Variants in ADAMTS19 observed in about 807,000 individuals in gnomAD.
ADAMTS19 encodes ADAM metallopeptidase with thrombospondin type 1 motif 19.
In ADAMTS19, 93 loss-of-function variants were observed where a neutral mutation model predicts 153.3. The ratio of observed to expected loss-of-function variants is 0.61; its 90% confidence interval spans 0.51 to 0.72. ADAMTS19 has a LOEUF of 0.72. Among genes scored for constraint, ADAMTS19 ranks in the 30% least tolerant of loss-of-function variants. ADAMTS19 has a pLI of 0.00. For missense variants in ADAMTS19, 1,482 were observed against 1,552.1 expected, an observed-to-expected ratio of 0.95 and a Z score of 0.76; for synonymous variants, 600 against 556.6, an observed-to-expected ratio of 1.08 and a Z score of -1.10.
In ADAMTS19 at chr5:129,519,228, G is replaced by A. The variant is rs551627117; in HGVS notation, c.914-7056G>A. ...GGACTGGGTTCCTTTCTTCAAGGCA[G>A]TGGGTTCCCTTCTGGCCCAGGGGAT... On this transcript the variant is annotated intron_variant, in intron 3 of 22. Coordinates refer to ENST00000274487, the MANE Select transcript of ADAMTS19 (RefSeq NM_133638.6). 2.0e-3 allele frequency among the ~76,000 whole-genome samples: 308 copies of A among 152,236 alleles called. 1 individual carries two copies. Among genetic ancestry groups the A allele is most frequent in the African/African-American group, 7.0e-3 (290 of 41,564 alleles).
intron 2 of ADAMTS19, among the ~76,000 whole-genome samples, chr5:129,508,582 C>T (rs10071131): frequency 0.11 from 17,391 of 151,940 alleles, 1,952 homozygotes; most frequent in African/African-American, 0.3. Flanking sequence ...TTTTAAAATA[C>T]GTAGTAGAAG....
At chr5:129,530,095 G>C (rs1752147453) in intron 6 of ADAMTS19, among the ~76,000 whole-genome samples, 1 of 152,076 alleles carries the variant, frequency 6.6e-6, no homozygotes, top group Non-Finnish European at 1.5e-5. Context: ...TCCTAAAACA[G>C]CTGTAAGCAC....
intron 6 of ADAMTS19, among the ~76,000 whole-genome samples, chr5:129,535,917 T>A (rs1208946813): frequency 2.0e-5 from 3 of 152,070 alleles, no homozygotes; most frequent in Admixed American, 6.6e-5. Flanking sequence ...TAATTCAAGA[T>A]GGATTAAAGA....
intron 7 of ADAMTS19, among the ~76,000 whole-genome samples, chr5:129,557,208 A>G (rs1753343669): frequency 1.3e-5 from 2 of 152,212 alleles, no homozygotes; most frequent in South Asian, 4.1e-4. Context: ...GTTAACAAAC[A>G]TGATTAATTA....
chr5:129,592,168 A>G (rs1417031858), intron 7 of ADAMTS19, among the ~76,000 whole-genome samples: 1 of 152,094 alleles, frequency 6.6e-6, no homozygotes, highest in Admixed American at 6.6e-5. Context: ...ACTTGAGGTC[A>G]GAAGCTTGAA....
intron 21 of ADAMTS19, among the ~76,000 whole-genome samples, chr5:129,725,691 T>C (rs952630221): frequency 4.6e-5 from 7 of 152,084 alleles, no homozygotes; most frequent in Non-Finnish European, 7.3e-5. Context: ...CTGACATTCC[T>C]GGTTGCGGGG....
At chr5:129,715,101 A>G (rs1159934243) in intron 21 of ADAMTS19, among the ~76,000 whole-genome samples, 2 of 152,236 alleles carry the variant, frequency 1.3e-5, no homozygotes, top group African/African-American at 2.4e-5. Context: ...AATCATATAC[A>G]TATTAAAATG....
intron 6 of ADAMTS19, among the ~76,000 whole-genome samples, chr5:129,540,604 T>C (rs570084719): frequency 1.1e-3 from 163 of 152,172 alleles, no homozygotes; most frequent in African/African-American, 3.8e-3. Context: ...CTAATGCCAT[T>C]GGCAAGTAAG....
chr5:129,572,804 G>A (rs2126867179), intron 7 of ADAMTS19, among the ~76,000 whole-genome samples: 1 of 152,090 alleles, frequency 6.6e-6, no homozygotes, highest in East Asian at 1.9e-4. Flanking sequence ...AAGTTTTGGG[G>A]TGTGATGGAA....
At chr5:129,549,208 TAAAAA>T (rs1005686580) in intron 6 of ADAMTS19, among the ~76,000 whole-genome samples, 2 of 145,154 alleles carry the variant, frequency 1.4e-5, no homozygotes, top group Non-Finnish European at 3.0e-5. Flanking sequence ...ATAAATAAAA[TAAAAA>T]AAGAAATATA....
At chr5:129,577,697 A>G (rs1749215669) in intron 7 of ADAMTS19, among the ~76,000 whole-genome samples, 1 of 152,126 alleles carries the variant, frequency 6.6e-6, no homozygotes, top group South Asian at 2.1e-4. Flanking sequence ...GCTGGAATTG[A>G]ATTAATGAAC....
intron 6 of ADAMTS19, among the ~76,000 whole-genome samples, chr5:129,546,309 C>T (rs894600293): frequency 5.3e-5 from 8 of 150,124 alleles, no homozygotes; most frequent in East Asian, 1.9e-4. Flanking sequence ...GTGGGTGCAG[C>T]GCACCAGCAT....
chr5:129,489,025 TATGAGA>T (rs1288217117), intron 2 of ADAMTS19, among the ~76,000 whole-genome samples: 1 of 152,130 alleles, frequency 6.6e-6, no homozygotes, highest in East Asian at 1.9e-4. Flanking sequence ...TCTTATCTTT[TATGAGA>T]ATAAGAACAG....
chr5:129,615,271 G>A (rs1751457076), intron 8 of ADAMTS19, among the ~76,000 whole-genome samples: 1 of 151,926 alleles, frequency 6.6e-6, no homozygotes, highest in South Asian at 2.1e-4. Context: ...CTAATGGAAA[G>A]GAACTATACA....
At chr5:129,553,213 C>G (rs1024393421) in intron 7 of ADAMTS19, among the ~76,000 whole-genome samples, 1 of 152,058 alleles carries the variant, frequency 6.6e-6, no homozygotes, top group South Asian at 2.1e-4. Flanking sequence ...CAACATCTTG[C>G]CTTGCTTGAG....
intron 2 of ADAMTS19, among the ~76,000 whole-genome samples, chr5:129,479,140 ATG>A (rs1750326891): frequency 6.6e-6 from 1 of 152,074 alleles, no homozygotes; most frequent in African/African-American, 2.4e-5. Context: ...TTAAAGCCGT[ATG>A]TGTGTGTGGT....
intron 7 of ADAMTS19, among the ~76,000 whole-genome samples, chr5:129,555,494 T>C (rs1753282613): frequency 6.6e-6 from 1 of 152,158 alleles, no homozygotes. Context: ...ATGTCTAGAT[T>C]TAAATCAGGG....
At chr5:129,556,690 G>A (rs1437166894) in intron 7 of ADAMTS19, among the ~76,000 whole-genome samples, 1 of 152,144 alleles carries the variant, frequency 6.6e-6, no homozygotes, top group Admixed American at 6.6e-5. Flanking sequence ...CTGAGTCAGA[G>A]AGAGACATGA....
intron 18 of ADAMTS19, among the ~76,000 whole-genome samples, chr5:129,685,426 T>C (rs1381280243): frequency 6.6e-6 from 1 of 151,668 alleles, no homozygotes; most frequent in Non-Finnish European, 1.5e-5. Flanking sequence ...GTGAAGAGTA[T>C]TAGAAGAAGG....
Sources: gnomAD v4.1 joint callset for allele counts (sites outside exome capture counted in the v4.1 genomes callset) on GRCh38, gnomAD v4.1.1 for gene constraint, MANE v1.5 for transcripts, NCBI Gene and HGNC (gene_info 2026-07-23, HGNC 2026-07-21) for gene names.